Variants in EIF4EBP1 observed in about 807,000 individuals in gnomAD.
The protein encoded by EIF4EBP1 is eukaryotic translation initiation factor 4E-binding protein 1.
EIF4EBP1 carries 5 observed loss-of-function variants against 9.2 expected under a neutral mutation model. That is an observed-to-expected ratio of 0.54 (90% confidence interval 0.28 to 1.14). The LOEUF is 1.14. EIF4EBP1 is among the 50% of genes most tolerant of loss of function. EIF4EBP1 has a pLI of 0.09. For missense variants in EIF4EBP1, 139 were observed against 169.6 expected, an observed-to-expected ratio of 0.82 and a Z score of 1.00; for synonymous variants, 62 against 67.0, an observed-to-expected ratio of 0.93 and a Z score of 0.36.
At chr8:38,033,495 G>T (rs1010738510) in intron 1 of EIF4EBP1, among the ~76,000 whole-genome samples, 1 of 149,412 alleles carries the variant, frequency 6.7e-6, no homozygotes, top group African/African-American at 2.5e-5. Context: ...AAAAAAAAAA[G>T]ATGGCTCCAT....
rs759906166 is a variant in EIF4EBP1 at position 38,059,893 on chromosome 8, T to C, written c.326-11T>C. ...ATTGTTGACCTGGCCCTCTGTCCCC[T>C]CTCTCCCCAGGTGAAGAGTCACAGT... is the stretch of plus-strand genomic sequence containing the variant. On this transcript the variant is annotated splice_polypyrimidine_tract_variant and intron_variant, in intron 2 of 2. Transcript: ENST00000338825. 43 of 1,445,606 alleles carry C rather than the reference T, an allele frequency of 3.0e-5. No individual in the cohort carries two copies. The highest frequency in any genetic ancestry group is 2.0e-4 in the South Asian group (14 of 71,438). 89.5% of individuals were successfully genotyped at this position (1,445,606 alleles called of 1,614,324 possible).
At chr8:38,059,755 CA>C (rs1194992251) in intron 2 of EIF4EBP1, 148 bp from the exon 3 acceptor site, 18,070 of 577,286 alleles carry the variant, frequency 0.031, 42 homozygotes, top group East Asian at 0.089. Flanking sequence ...GACTCCATCT[CA>C]AAAAAAAAAA....
In EIF4EBP1 at chr8:38,059,949, G is replaced by A. The variant is rs371852717; in HGVS notation, c.*14G>A. 20 of 1,613,930 alleles carry A rather than the reference G, an allele frequency of 1.2e-5. No individual in the cohort carries two copies. Among genetic ancestry groups the A allele is most frequent in the Admixed American group, 1.2e-4 (7 of 59,998 alleles). On this transcript the variant is annotated 3_prime_UTR_variant, in exon 3 of 3. Transcript: ENST00000338825. Reference sequence around the variant, plus strand: ...ATGGACATTTAAAGCACCAGCCATCGTGTGGAGCACTACCAAGGGGCCCCT... The same window carrying A: ...ATGGACATTTAAAGCACCAGCCATCATGTGGAGCACTACCAAGGGGCCCCT...
At chr8:38,059,755 C>G in intron 2 of EIF4EBP1, 149 bp from the exon 3 acceptor site, 1 of 603,038 alleles carries the variant, frequency 1.7e-6, no homozygotes, top group South Asian at 2.3e-5. Flanking sequence ...GACTCCATCT[C>G]AAAAAAAAAA....
chr8:38,032,848 T>C (rs1444913168), intron 1 of EIF4EBP1, among the ~76,000 whole-genome samples: 7 of 152,076 alleles, frequency 4.6e-5, no homozygotes, highest in Non-Finnish European at 1.0e-4. Flanking sequence ...GGACTCTTCC[T>C]CCAAAGCCCA....
chr8:38,054,144 G>T (rs958920992), intron 1 of EIF4EBP1, among the ~76,000 whole-genome samples: 3 of 152,170 alleles, frequency 2.0e-5, no homozygotes, highest in African/African-American at 7.2e-5. Flanking sequence ...TAGGTTTCAC[G>T]CTATGATAAA....
At chr8:38,054,471 A>G (rs1375929944) in intron 1 of EIF4EBP1, among the ~76,000 whole-genome samples, 1 of 151,998 alleles carries the variant, frequency 6.6e-6, no homozygotes, top group Non-Finnish European at 1.5e-5. Context: ...AACAAAAAGC[A>G]AAGTTGGGGG....
chr8:38,041,712 C>T (rs1421094974), intron 1 of EIF4EBP1, among the ~76,000 whole-genome samples: 5 of 152,164 alleles, frequency 3.3e-5, no homozygotes, highest in East Asian at 1.9e-4. Context: ...CACACAAGGT[C>T]GGGTGCAGTA....
intron 1 of EIF4EBP1, among the ~76,000 whole-genome samples, chr8:38,050,530 TG>T (rs1809505496): frequency 6.6e-6 from 1 of 152,042 alleles, no homozygotes; most frequent in Non-Finnish European, 1.5e-5. Context: ...TTGTCTTTTT[TG>T]TAAAGACAGG....
intron 1 of EIF4EBP1, among the ~76,000 whole-genome samples, chr8:38,056,247 C>A (rs1585532042): frequency 1.3e-5 from 2 of 152,216 alleles, no homozygotes; most frequent in East Asian, 3.9e-4. Flanking sequence ...CCACGGTGGC[C>A]TCCCAAAGTG....
Position 38,043,367 on chromosome 8 carries a change from C to CTTTTT in EIF4EBP1, c.145+12660_145+12664dup, listed in dbSNP as rs60303823. ...TTTTCTTTTCTTTTCTTTTCTTTTT[C>CTTTTT]TTTTTTTTTTTTTTTGAGATGGAGT... is the stretch of plus-strand genomic sequence containing the variant. On this transcript the variant is annotated intron_variant, in intron 1 of 2. Transcript: ENST00000338825. Among the ~76,000 whole-genome samples, 127 of 139,596 alleles carry CTTTTT rather than the reference C, an allele frequency of 9.1e-4. 1 individual carries two copies. Among genetic ancestry groups the CTTTTT allele is most frequent in the African/African-American group, 3.0e-3 (114 of 37,800 alleles). The allele number at this position is 139,596 out of a possible 152,430, so 91.6% of individuals were successfully genotyped here. A position where few individuals can be genotyped will look rare whatever the true frequency, so the allele number is the denominator to read the frequency against.
At chr8:38,056,990 T>A in intron 1 of EIF4EBP1, 91 bp from the exon 2 acceptor site, 1 of 1,381,618 alleles carries the variant, frequency 7.2e-7, no homozygotes. Context: ...GAGAATCTGC[T>A]GCCTCTACTG....
At chr8:38,032,125 G>T (rs988785135) in intron 1 of EIF4EBP1, among the ~76,000 whole-genome samples, 32 of 152,038 alleles carry the variant, frequency 2.1e-4, no homozygotes, top group Non-Finnish European at 3.8e-4. Flanking sequence ...TGTTCAGGGT[G>T]GGCCCTGAGG....
intron 1 of EIF4EBP1, among the ~76,000 whole-genome samples, chr8:38,034,983 G>A (rs945009616): frequency 1.2e-4 from 19 of 152,164 alleles, no homozygotes; most frequent in Admixed American, 9.8e-4. Flanking sequence ...AGCTGGGTGC[G>A]GTGGCTCACT....
At chr8:38,059,171 T>A (rs767989579) in intron 2 of EIF4EBP1, among the ~76,000 whole-genome samples, 15 of 152,146 alleles carry the variant, frequency 9.9e-5, no homozygotes, top group Non-Finnish European at 1.9e-4. Context: ...TAAATTGTAA[T>A]CCCCAGTGTT....
At chr8:38,041,290 C>T (rs1041272286) in intron 1 of EIF4EBP1, among the ~76,000 whole-genome samples, 3 of 151,896 alleles carry the variant, frequency 2.0e-5, no homozygotes, top group African/African-American at 7.3e-5. Context: ...TTAGTAGAGG[C>T]GGGGGTCTCA....
intron 2 of EIF4EBP1, among the ~76,000 whole-genome samples, chr8:38,058,164 T>C (rs543184248): frequency 6.6e-6 from 1 of 152,104 alleles, no homozygotes; most frequent in Non-Finnish European, 1.5e-5. Context: ...TCTTAGTCTG[T>C]TTTTTTATGG....
At chr8:38,050,849 T>G (rs1809510898) in intron 1 of EIF4EBP1, among the ~76,000 whole-genome samples, 1 of 152,166 alleles carries the variant, frequency 6.6e-6, no homozygotes, top group Admixed American at 6.5e-5. Flanking sequence ...GCCCAGAGAC[T>G]GATGGGTTCC....
intron 1 of EIF4EBP1, among the ~76,000 whole-genome samples, chr8:38,043,077 A>C (rs554278620): frequency 1.3e-5 from 2 of 152,290 alleles, no homozygotes; most frequent in East Asian, 3.9e-4. Flanking sequence ...ACACACACGA[A>C]AAAAAGTTTT....
Sources: allele counts gnomAD v4.1 joint callset (sites outside exome capture counted in the v4.1 genomes callset), GRCh38; gene constraint gnomAD v4.1.1; transcripts MANE v1.5; gene names NCBI Gene and HGNC (gene_info 2026-07-23, HGNC 2026-07-21).